Variants in VEZT observed in about 807,000 individuals in gnomAD.
VEZT encodes the protein vezatin.
In VEZT, 39 loss-of-function variants were observed where a neutral mutation model predicts 79.9. The observed-to-expected ratio is 0.49, with a 90% CI of 0.38 to 0.64. The LOEUF (loss-of-function observed/expected upper bound fraction) is 0.64. Ranked by LOEUF, VEZT falls within the 30% of genes least tolerant of loss-of-function variation. The pLI is 0.00. For missense variants in VEZT, 837 were observed against 893.1 expected (o/e 0.94, Z 0.80); for synonymous variants, 325 against 327.6 (o/e 0.99, Z 0.09).
chr12:95,279,258 G>A (rs1345896978), intron 7 of VEZT, among the ~76,000 whole-genome samples: 1 of 152,026 alleles, frequency 6.6e-6, no homozygotes, highest in Non-Finnish European at 1.5e-5. Flanking sequence ...CTGCCATGTT[G>A]GTGCTCAAAA....
intron 6 of VEZT, among the ~76,000 whole-genome samples, chr12:95,274,359 G>A (rs1473365045): frequency 3.3e-5 from 5 of 152,098 alleles, no homozygotes; most frequent in Admixed American, 6.5e-5. Flanking sequence ...CCAGCTACTC[G>A]AGAGGCTGAG....
chr12:95,227,571 CCTCAGGT>C (rs2058678391), intron 1 of VEZT, among the ~76,000 whole-genome samples: 1 of 152,128 alleles, frequency 6.6e-6, no homozygotes, highest in Non-Finnish European at 1.5e-5. Context: ...GAACTCCTGA[CCTCAGGT>C]GATCCATCCG....
At position 95,224,132 on chromosome 12, in the gene VEZT, A is replaced by G. The variant is rs1356374197; in HGVS notation, c.36+6246A>G. 6.6e-6 allele frequency: 3 copies of G among 455,898 alleles called. No homozygotes were observed. In the East Asian group the frequency reaches 2.1e-4, roughly 32 times the overall value. 28.2% of individuals were successfully genotyped at this position (455,898 alleles called of 1,614,324 possible). A position where few individuals can be genotyped will look rare whatever the true frequency, so the allele number is the denominator to read the frequency against. On this transcript the variant is annotated intron_variant, in intron 1 of 11. Coordinates refer to ENST00000436874, the MANE Select transcript of VEZT (RefSeq NM_017599.4). The stretch of plus-strand genomic sequence containing the variant: ...TCAGACCCATAATTCCACCCTGATC[A>G]TTATGGACTGCATCACTGCATTCCC...
intron 8 of VEZT, among the ~76,000 whole-genome samples, chr12:95,284,753 C>T (rs963276254): frequency 3.9e-5 from 6 of 152,028 alleles, no homozygotes; most frequent in African/African-American, 1.4e-4. Flanking sequence ...GCCTGTAATC[C>T]CAGCACTTTG....
intron 1 of VEZT, among the ~76,000 whole-genome samples, chr12:95,228,066 T>C (rs1424778168): frequency 6.6e-6 from 1 of 152,232 alleles, no homozygotes; most frequent in Non-Finnish European, 1.5e-5. Context: ...CTGAGAAAGA[T>C]AATTTTTGCC....
chr12:95,268,687 C>T (rs1175043421), intron 5 of VEZT, among the ~76,000 whole-genome samples: 3 of 152,110 alleles, frequency 2.0e-5, no homozygotes, highest in Non-Finnish European at 4.4e-5. Flanking sequence ...CATGATTTAC[C>T]TTCCAGATTA....
intron 1 of VEZT, among the ~76,000 whole-genome samples, chr12:95,226,098 TAAAAAA>T (rs11309269): frequency 0.072 from 9,927 of 137,574 alleles, 429 homozygotes; most frequent in Middle Eastern, 0.12. Flanking sequence ...TGCCTTTATT[TAAAAAA>T]AAAAAAAAAA....
At chr12:95,236,786 T>C (rs1173196834) in intron 1 of VEZT, among the ~76,000 whole-genome samples, 1 of 151,998 alleles carries the variant, frequency 6.6e-6, no homozygotes, top group East Asian at 1.9e-4. Context: ...GGGGTTTCAC[T>C]ACATTGGCCA....
chr12:95,273,239 TG>T (rs1309298963), intron 6 of VEZT, among the ~76,000 whole-genome samples: 1 of 151,848 alleles, frequency 6.6e-6, no homozygotes, highest in Non-Finnish European at 1.5e-5. Flanking sequence ...TTATATTAAG[TG>T]AAAAAAAAAC....
At chr12:95,287,495 G>A (rs1386202922) in intron 8 of VEZT, among the ~76,000 whole-genome samples, 169 bp from the exon 9 acceptor site, 1 of 152,034 alleles carries the variant, frequency 6.6e-6, no homozygotes, top group Non-Finnish European at 1.5e-5. Context: ...TGAAAAAGGG[G>A]TTTCACCATG....
rs145141845 is a variant in VEZT at position 95,258,079 on chromosome 12, T to C, written c.258+840T>C. Among the ~76,000 whole-genome samples, 31 of 152,308 alleles carry C rather than the reference T, an allele frequency of 2.0e-4. 1 individual carries two copies. The highest frequency in any genetic ancestry group is 3.9e-4 in the Admixed American group (6 of 15,304). Reference sequence around the variant, plus strand: ...AAGCCATGCTCTTTCTGCTATAGCATACGACCTCTCTAGCTCAAGTATTAT... The same window carrying C: ...AAGCCATGCTCTTTCTGCTATAGCACACGACCTCTCTAGCTCAAGTATTAT... On this transcript the variant is annotated intron_variant, in intron 3 of 11. Coordinates refer to ENST00000436874, the MANE Select transcript of VEZT (RefSeq NM_017599.4).
At chr12:95,271,554 T>G (rs1464289361) in intron 6 of VEZT, among the ~76,000 whole-genome samples, 1 of 152,142 alleles carries the variant, frequency 6.6e-6, no homozygotes, top group Non-Finnish European at 1.5e-5. Flanking sequence ...GCATTCCAGA[T>G]AGAAGGAAGC....
intron 9 of VEZT, chr12:95,290,728 A>G (rs2072527798): frequency 6.6e-6 from 1 of 152,194 alleles, no homozygotes; most frequent in Non-Finnish European, 1.5e-5. Flanking sequence ...TGAAATTAGA[A>G]TGATACAGAG....
chr12:95,241,968 A>G (rs1378484120), intron 1 of VEZT, among the ~76,000 whole-genome samples: 1 of 152,226 alleles, frequency 6.6e-6, no homozygotes, highest in Non-Finnish European at 1.5e-5. Context: ...CGAAAATATT[A>G]AAAAGCGTAG....
At chr12:95,263,950 A>C (rs2065022717) in intron 4 of VEZT, among the ~76,000 whole-genome samples, 1 of 152,202 alleles carries the variant, frequency 6.6e-6, no homozygotes, top group Non-Finnish European at 1.5e-5. Flanking sequence ...AAGAAAAAAA[A>C]AGAATGTGTA....
At chr12:95,226,148 A>T (rs1435630339) in intron 1 of VEZT, among the ~76,000 whole-genome samples, 1 of 152,064 alleles carries the variant, frequency 6.6e-6, no homozygotes, top group African/African-American at 2.4e-5. Flanking sequence ...AAGAAGCAAA[A>T]AGTGGACTTC....
intron 1 of VEZT, 94 bp from the exon 2 acceptor site, chr12:95,251,846 G>C: frequency 1.7e-6 from 2 of 1,164,242 alleles, no homozygotes; most frequent in Middle Eastern, 2.0e-4. Context: ...TGGACATACT[G>C]GTCACAATAG....
At chr12:95,295,959 TAA>T in intron 10 of VEZT, 90 bp from the exon 11 acceptor site, 1 of 989,652 alleles carries the variant, frequency 1.0e-6, no homozygotes, top group Non-Finnish European at 1.4e-6. Context: ...CCTTTTTTTT[TAA>T]TCTCAGAGAT....
In VEZT at chr12:95,277,673, C is replaced by T. The variant is rs2068068800; in HGVS notation, c.996+2784C>T. Among the ~76,000 whole-genome samples, 4 of 152,158 alleles carry T rather than the reference C, an allele frequency of 2.6e-5. 1 individual carries two copies. The highest frequency in any genetic ancestry group is 4.1e-4 in the South Asian group (2 of 4,830). ...GTGTTTATATTTTAGCCCTGACTGACTAGCCATTTGCCTTTGAATAAGTTA... is the reference window on the plus strand; with the variant it reads ...GTGTTTATATTTTAGCCCTGACTGATTAGCCATTTGCCTTTGAATAAGTTA... On this transcript the variant is annotated intron_variant, in intron 7 of 11. Coordinates refer to ENST00000436874, the MANE Select transcript of VEZT (RefSeq NM_017599.4).
Sources: gnomAD v4.1 joint callset for allele counts (sites outside exome capture counted in the v4.1 genomes callset) on GRCh38, gnomAD v4.1.1 for gene constraint, MANE v1.5 for transcripts, NCBI Gene and HGNC (gene_info 2026-07-23, HGNC 2026-07-21) for gene names.